The following LMNA variants were observed in gnomAD, a reference collection of about 807,000 sequenced individuals.
The protein encoded by LMNA is lamin A/C, also known as lamin.
In LMNA, 20 loss-of-function variants were observed where a neutral mutation model predicts 70.4. The observed-to-expected ratio is 0.28, with a 90% CI of 0.20 to 0.41. The LOEUF is 0.41. Ranked by LOEUF, LMNA falls within the 10% of genes least tolerant of loss-of-function variation. The probability of loss-of-function intolerance (pLI) is 1.00; values close to 1 mark genes in which losing one functional copy is unlikely to be tolerated. For missense variants in LMNA, 652 were observed against 917.2 expected (o/e 0.71, Z 3.73); for synonymous variants, 339 against 372.8 (o/e 0.91, Z 1.04).
chr1:156,108,433 C>T (rs1339252157), intron 3 of LMNA, among the ~76,000 whole-genome samples: 1 of 152,114 alleles, frequency 6.6e-6, no homozygotes, highest in African/African-American at 2.4e-5. Flanking sequence ...GTTCTAGCCA[C>T]CTGATGGTAA....
chr1:156,082,790 T>A (rs568556727), intron 1 of LMNA: 1 of 150,842 alleles, frequency 6.6e-6, no homozygotes, highest in Non-Finnish European at 1.5e-5. Flanking sequence ...CGGCCGGTCC[T>A]GGGGGCCCGC....
In LMNA at chr1:156,115,258, A is replaced by G. The variant is rs767902515; in HGVS notation, c.340A>G (p.Lys114Glu). The G allele has an allele frequency of 6.2e-7, 1 of 1,608,850 alleles. No homozygotes were observed. The highest frequency in any genetic ancestry group is 8.5e-7 in the Non-Finnish European group (1 of 1,179,490). ...GCTGAGCAAAGTGCGTGAGGAGTTT[A>G]AGGAGCTGAAAGCGCGGTGAGTTCG... ...LELSKVREEF[K>E]ELKARNTKKE... The change falls in exon 1 of 12, where the codon AAG (lysine) becomes GAG (glutamate). Residue 114 changes from lysine to glutamate, a missense_variant. Lys to Glu is a moderately conservative substitution (Grantham distance 56, BLOSUM62 1). Transcript: ENST00000368300. This position sits in a 1 kb window ranked among gnomAD's most constrained non-coding sequence, Gnocchi z 5.8.
intron 3 of LMNA, among the ~76,000 whole-genome samples, chr1:156,105,173 A>C (rs2102803282): frequency 6.6e-6 from 1 of 152,258 alleles, no homozygotes; most frequent in African/African-American, 2.4e-5. Context: ...CCCGGCAAAG[A>C]GGGCCAATGG....
chr1:156,083,997 C>T (rs1648375372), intron 2 of LMNA, among the ~76,000 whole-genome samples: 1 of 152,002 alleles, frequency 6.6e-6, no homozygotes. Context: ...CTGGATCTTT[C>T]CCAAGGGAAG....
Position 156,129,878 on chromosome 1 carries a change from T to G in LMNA, c.357-739T>G, listed in dbSNP as rs513043. The G allele has an allele frequency of 0.11, 83,490 of 769,892 alleles. 9,118 individuals carry two copies. Among genetic ancestry groups the G allele is most frequent in the African/African-American group, 0.46 (27,298 of 58,982 alleles). 47.7% of individuals were successfully genotyped at this position (769,892 alleles called of 1,614,324 possible). A position where few individuals can be genotyped will look rare whatever the true frequency, so the allele number is the denominator to read the frequency against. ...GACCTGGAGGCCTGGGATCCACATC[T>G]GGAACCAGATGCTGAGGCTATGGTA... is the stretch of plus-strand genomic sequence containing the variant. On this transcript the variant is annotated intron_variant, in intron 1 of 11. Transcript: ENST00000368300.
At chr1:156,132,341 C>T (rs2993266) in intron 2 of LMNA, among the ~76,000 whole-genome samples, 9 of 151,456 alleles carry the variant, frequency 5.9e-5, no homozygotes, top group Non-Finnish European at 1.2e-4. Flanking sequence ...ATGGTGGCAG[C>T]CACCTGTAAT....
intron 3 of LMNA, among the ~76,000 whole-genome samples, chr1:156,092,666 C>T (rs955222270): frequency 1.0e-4 from 15 of 147,302 alleles, no homozygotes; most frequent in South Asian, 4.3e-4. Flanking sequence ...GACAACAGAG[C>T]GAGACTCCAT....
chr1:156,099,100 G>A (rs997902017), intron 3 of LMNA, among the ~76,000 whole-genome samples: 8 of 152,168 alleles, frequency 5.3e-5, no homozygotes, highest in Non-Finnish European at 8.8e-5. Flanking sequence ...GAGGGAGGCA[G>A]GCAGGCAAAG....
intron 3 of LMNA, among the ~76,000 whole-genome samples, chr1:156,107,061 T>C (rs566011462): frequency 6.6e-6 from 1 of 152,350 alleles, no homozygotes; most frequent in East Asian, 1.9e-4. Flanking sequence ...CTGTGTGGCC[T>C]GGAGACAATC....
chr1:156,096,991 A>G (rs1029694603), intron 3 of LMNA, among the ~76,000 whole-genome samples: 1 of 152,190 alleles, frequency 6.6e-6, no homozygotes, highest in Non-Finnish European at 1.5e-5. Flanking sequence ...GTCCAGCCTA[A>G]CACGGCAGGG....
intron 2 of LMNA, among the ~76,000 whole-genome samples, chr1:156,132,890 A>G (rs1442866077): frequency 7.5e-6 from 1 of 133,858 alleles, no homozygotes; most frequent in African/African-American, 2.9e-5. Flanking sequence ...CCCAGGCTGG[A>G]GTGCAATGGC....
At chr1:156,133,132 G>A (rs897625432) in intron 2 of LMNA, among the ~76,000 whole-genome samples, 2 of 150,930 alleles carry the variant, frequency 1.3e-5, no homozygotes, top group African/African-American at 2.4e-5. Flanking sequence ...GAGCCACCAC[G>A]CCTGGCAAGA....
At chr1:156,128,684 C>T (rs1216173209) in intron 1 of LMNA, among the ~76,000 whole-genome samples, 2 of 152,230 alleles carry the variant, frequency 1.3e-5, no homozygotes, top group African/African-American at 2.4e-5. Context: ...TGCTGGCTTT[C>T]GGTAATTGAC....
rs1225731798 is a variant in LMNA at position 156,138,179 on chromosome 1, T to G, written c.1699-309T>G. 1 of 556,608 alleles carries G rather than the reference T, an allele frequency of 1.8e-6. No individual in the cohort carries two copies. Among genetic ancestry groups the G allele is most frequent in the Admixed American group, 3.1e-5 (1 of 32,368 alleles). The allele number at this position is 556,608 out of a possible 1,614,324, so 34.5% of individuals were successfully genotyped here. A position where few individuals can be genotyped will look rare whatever the true frequency, so the allele number is the denominator to read the frequency against. On this transcript the variant is annotated intron_variant, in intron 10 of 11. Transcript: ENST00000368300. The surrounding 1 kb of genome is among the most constrained non-coding windows in gnomAD (Gnocchi z 5.5). ...TCCACTCCAATTAATAGTGCATGCC[T>G]GCTGCCCTACAAGCTTGCTCCCGTT...
At chr1:156,112,863 C>T (rs763125521), upstream of LMNA, among the ~76,000 whole-genome samples, 61 of 152,148 alleles carry the variant, frequency 4.0e-4, no homozygotes, top group Admixed American at 7.9e-4. Context: ...TGAGGGAAGC[C>T]CTGATATCTT....
At chr1:156,099,337 T>C (rs1649057038) in intron 3 of LMNA, among the ~76,000 whole-genome samples, 1 of 152,162 alleles carries the variant, frequency 6.6e-6, no homozygotes, top group East Asian at 1.9e-4. Flanking sequence ...CTTTGCAACT[T>C]TGGGGTTGAC....
chr1:156,133,918 C>T (rs1651296480), intron 2 of LMNA, among the ~76,000 whole-genome samples: 1 of 152,196 alleles, frequency 6.6e-6, no homozygotes, highest in Admixed American at 6.5e-5. Flanking sequence ...CCCAGGCATA[C>T]TTTGGTTCCT....
chr1:156,089,747 C>T (rs957541597), intron 2 of LMNA, among the ~76,000 whole-genome samples: 6 of 152,182 alleles, frequency 3.9e-5, no homozygotes, highest in East Asian at 1.9e-4. Flanking sequence ...GATGGACAAA[C>T]GTCTCTGCTT....
intron 1 of LMNA, 114 bp from the exon 2 acceptor site, chr1:156,130,503 C>T: frequency 8.7e-7 from 1 of 1,144,496 alleles, no homozygotes; most frequent in Non-Finnish European, 1.3e-6. Flanking sequence ...ATGCCCTCTC[C>T]TGGTAATTGC....
Sources: gnomAD v4.1 joint callset for allele counts (sites outside exome capture counted in the v4.1 genomes callset) on GRCh38, gnomAD v4.1.1 for gene constraint, Gnocchi (gnomAD v3.1) non-coding constraint, MANE v1.5 for transcripts, NCBI Gene and HGNC (gene_info 2026-07-23, HGNC 2026-07-21) for gene names.